Variants in NRG1 observed in about 807,000 individuals in gnomAD.
NRG1 encodes neuregulin 1.
In NRG1, 18 loss-of-function variants were observed where a neutral mutation model predicts 63.8. The observed-to-expected ratio is 0.28, with a 90% confidence interval of 0.19 to 0.42. The LOEUF is 0.42. Ranked by LOEUF, NRG1 falls within the 10% of genes least tolerant of loss-of-function variation. The pLI, the probability that NRG1 is intolerant of heterozygous loss-of-function variation, is 1.00. For missense variants in NRG1, 762 were observed against 814.7 expected (o/e 0.94, Z 0.79); for synonymous variants, 302 against 301.3 (o/e 1.00, Z -0.02).
chr8:32,054,879 T>C (rs1479864892), intron 1 of NRG1, among the ~76,000 whole-genome samples: 2 of 28,014 alleles, frequency 7.1e-5, no homozygotes, highest in African/African-American at 2.1e-4. Flanking sequence ...TTTTTTTTTT[T>C]TTTTTTTTTT....
intron 1 of NRG1, among the ~76,000 whole-genome samples, chr8:31,778,098 C>T (rs1188447322): frequency 1.3e-5 from 2 of 152,214 alleles, no homozygotes; most frequent in Non-Finnish European, 2.9e-5. Flanking sequence ...GAACCATCCA[C>T]ATTGGAAATC....
At chr8:32,237,646 A>G (rs899025414) in intron 1 of NRG1, among the ~76,000 whole-genome samples, 4 of 152,150 alleles carry the variant, frequency 2.6e-5, no homozygotes, top group Non-Finnish European at 5.9e-5. Context: ...TTAGTAGTCT[A>G]TTAAGTAGAC....
chr8:32,135,277 G>A (rs1835361273), intron 1 of NRG1, among the ~76,000 whole-genome samples: 1 of 152,156 alleles, frequency 6.6e-6, no homozygotes, highest in Admixed American at 6.6e-5. Flanking sequence ...AATGTGACTT[G>A]ACTTAAATTT....
intron 5 of NRG1, among the ~76,000 whole-genome samples, chr8:32,684,831 GT>G (rs1809652600): frequency 7.3e-6 from 1 of 137,838 alleles, no homozygotes; most frequent in South Asian, 2.3e-4. Context: ...ATTTTTGACA[GT>G]TTTGACACTA....
chr8:31,939,183 G>A (rs327347), intron 1 of NRG1, among the ~76,000 whole-genome samples: 136,834 of 152,224 alleles, frequency 0.9, 62,300 homozygotes, highest in African/African-American at 0.97. Flanking sequence ...GGTAACCTAT[G>A]AAGAAATATC....
At chr8:31,699,609 C>T (rs889081514) in intron 1 of NRG1, among the ~76,000 whole-genome samples, 1 of 152,150 alleles carries the variant, frequency 6.6e-6, no homozygotes, top group African/African-American at 2.4e-5. Flanking sequence ...TGAGAAGAGG[C>T]TCCTGCAAGT....
At chr8:32,445,323 T>A (rs1172268467) in intron 1 of NRG1, among the ~76,000 whole-genome samples, 1 of 152,252 alleles carries the variant, frequency 6.6e-6, no homozygotes, top group East Asian at 1.9e-4. Flanking sequence ...AATACCTTTT[T>A]ATCCATGGTT....
chr8:31,886,111 T>G (rs1340346628), intron 1 of NRG1, among the ~76,000 whole-genome samples: 1 of 152,124 alleles, frequency 6.6e-6, no homozygotes, highest in African/African-American at 2.4e-5. Flanking sequence ...TATTAAAAAT[T>G]AATCCCTTCT....
chr8:32,142,949 A>G (rs1044650540), intron 1 of NRG1, among the ~76,000 whole-genome samples: 3 of 152,238 alleles, frequency 2.0e-5, no homozygotes, highest in African/African-American at 7.2e-5. Context: ...TTGTATGTAC[A>G]CTTTAAGAAA....
At chr8:32,624,209 G>A (rs2129542964) in intron 5 of NRG1, among the ~76,000 whole-genome samples, 1 of 152,316 alleles carries the variant, frequency 6.6e-6, no homozygotes, top group South Asian at 2.1e-4. Context: ...ACATTTTAGG[G>A]AAGAATCTGA....
chr8:32,364,933 G>A (rs1020680573), intron 1 of NRG1, among the ~76,000 whole-genome samples: 1 of 144,950 alleles, frequency 6.9e-6, no homozygotes, highest in South Asian at 2.3e-4. Context: ...ATGTTTAAAT[G>A]AATAAAATGT....
intron 1 of NRG1, among the ~76,000 whole-genome samples, chr8:32,470,493 C>G (rs555776544): frequency 2.0e-5 from 3 of 152,004 alleles, no homozygotes; most frequent in African/African-American, 4.8e-5. Flanking sequence ...CGTGAGCCAC[C>G]GCGCCCGACC....
chr8:32,630,266 T>G (rs1304507642), intron 5 of NRG1, among the ~76,000 whole-genome samples: 1 of 152,184 alleles, frequency 6.6e-6, no homozygotes, highest in Non-Finnish European at 1.5e-5. Flanking sequence ...ATCTGCTTTA[T>G]GAACCCAGTT....
chr8:32,175,283 T>G (rs4255096), intron 1 of NRG1, among the ~76,000 whole-genome samples: 8 of 148,908 alleles, frequency 5.4e-5, no homozygotes, highest in South Asian at 2.2e-4. Context: ...ATTCAACAAC[T>G]CTTCATGCTA....
intron 1 of NRG1, among the ~76,000 whole-genome samples, chr8:31,790,235 A>G (rs923710295): frequency 9.9e-5 from 15 of 152,190 alleles, no homozygotes; most frequent in Admixed American, 8.5e-4. Context: ...TTTTTTTAGA[A>G]AGGATATGGG....
chr8:32,682,813 T>A (rs1809038557), intron 5 of NRG1, among the ~76,000 whole-genome samples: 1 of 152,138 alleles, frequency 6.6e-6, no homozygotes, highest in South Asian at 2.1e-4. Flanking sequence ...AATAACTTAG[T>A]TTAGAGTAAG....
intron 1 of NRG1, among the ~76,000 whole-genome samples, chr8:31,980,264 G>C (rs867214667): frequency 1.3e-5 from 2 of 151,976 alleles, no homozygotes; most frequent in Admixed American, 6.6e-5. Flanking sequence ...TCTCAGTTCA[G>C]AATCTTTCAG....
chr8:32,321,293 T>A (rs1036585559), intron 1 of NRG1, among the ~76,000 whole-genome samples: 1 of 152,120 alleles, frequency 6.6e-6, no homozygotes, highest in African/African-American at 2.4e-5. Context: ...TACTCCCAAA[T>A]TTAGCAATAT....
At chr8:31,863,535 T>C (rs1418142616) in intron 1 of NRG1, among the ~76,000 whole-genome samples, 1 of 152,210 alleles carries the variant, frequency 6.6e-6, no homozygotes, top group Non-Finnish European at 1.5e-5. Flanking sequence ...GCCTCATGTG[T>C]CTCAGGGTGG....
Sources: gnomAD v4.1 joint callset for allele counts (sites outside exome capture counted in the v4.1 genomes callset) on GRCh38, gnomAD v4.1.1 for gene constraint, MANE v1.5 for transcripts, NCBI Gene and HGNC (gene_info 2026-07-23, HGNC 2026-07-21) for gene names.